The following DISC1 variants were observed in gnomAD, a reference collection of about 807,000 sequenced individuals.
The protein encoded by DISC1 is DISC1 scaffold protein.
Under a neutral mutation model 84.5 loss-of-function variants are expected in DISC1, and 57 were observed. The observed-to-expected ratio is 0.67, with a 90% CI of 0.55 to 0.84. The LOEUF (loss-of-function observed/expected upper bound fraction) is 0.84. Among genes scored for constraint, DISC1 ranks in the 40% least tolerant of loss-of-function variants. The pLI is 0.00. For missense variants in DISC1, 1,000 were observed against 1,057.8 expected, an observed-to-expected ratio of 0.95 and a Z score of 0.76; for synonymous variants, 411 against 415.2, an observed-to-expected ratio of 0.99 and a Z score of 0.12.
At chr1:231,819,109 G>A (rs1339733095) in intron 9 of DISC1, 9 of 986,094 alleles carry the variant, frequency 9.1e-6, no homozygotes, top group African/African-American at 1.7e-5. Context: ...TGCACCCAGA[G>A]GGATGGTCTC....
At chr1:231,712,747 C>T (rs971536055) in intron 3 of DISC1, among the ~76,000 whole-genome samples, 2 of 152,188 alleles carry the variant, frequency 1.3e-5, no homozygotes, top group African/African-American at 4.8e-5. Context: ...CTCTGCTTAG[C>T]CTAACTTAGA....
At chr1:231,779,936 C>T (rs537170182) in intron 6 of DISC1, among the ~76,000 whole-genome samples, 1 of 152,068 alleles carries the variant, frequency 6.6e-6, no homozygotes, top group Non-Finnish European at 1.5e-5. Flanking sequence ...CTGCCGGAGG[C>T]TATGCTTCCC....
chr1:231,764,862 AGAT>A (rs1171186973), intron 4 of DISC1, among the ~76,000 whole-genome samples: 1 of 152,170 alleles, frequency 6.6e-6, no homozygotes, highest in East Asian at 1.9e-4. Flanking sequence ...GTTAGGTGAA[AGAT>A]GATGTTTTAT....
At chr1:231,917,244 C>T (rs1471978517) in intron 9 of DISC1, among the ~76,000 whole-genome samples, 1 of 152,168 alleles carries the variant, frequency 6.6e-6, no homozygotes, top group Non-Finnish European at 1.5e-5. Context: ...TACCTTTTCC[C>T]TGCGGCATTA....
At chr1:231,901,920 T>C (rs967502014) in intron 9 of DISC1, among the ~76,000 whole-genome samples, 2 of 152,192 alleles carry the variant, frequency 1.3e-5, no homozygotes, top group African/African-American at 4.8e-5. Context: ...TCAGTTGTTA[T>C]GGACCTGGAT....
At chr1:231,971,333 G>A (rs12060283) in intron 10 of DISC1, among the ~76,000 whole-genome samples, 1 of 151,988 alleles carries the variant, frequency 6.6e-6, no homozygotes, top group Non-Finnish European at 1.5e-5. Context: ...TGCTAACATG[G>A]TATGAACCTG....
intron 4 of DISC1, among the ~76,000 whole-genome samples, chr1:231,762,341 C>G (rs185677528): frequency 6.7e-6 from 1 of 148,712 alleles, no homozygotes; most frequent in East Asian, 2.0e-4. Context: ...GCCTTCCTTC[C>G]TTTCCTTTCT....
intron 9 of DISC1, chr1:231,855,335 G>T: frequency 2.1e-6 from 2 of 965,190 alleles, no homozygotes; most frequent in Non-Finnish European, 2.5e-6. Flanking sequence ...TACAATTTTT[G>T]TCAATTAAAC....
At chr1:232,029,642 C>A (rs961897403) in intron 12 of DISC1, among the ~76,000 whole-genome samples, 3 of 152,210 alleles carry the variant, frequency 2.0e-5, no homozygotes, top group African/African-American at 7.2e-5. Context: ...ATGTGAGGTA[C>A]CCAATTAATC....
Position 231,694,451 on chromosome 1 carries a change from A to C in DISC1, c.693A>C (p.Pro231=). 2 of 1,614,264 alleles carry C rather than the reference A, an allele frequency of 1.2e-6. No individual in the cohort carries two copies. Among genetic ancestry groups the C allele is most frequent in the Non-Finnish European group, 1.7e-6 (2 of 1,180,044 alleles). The part of the protein sequence containing the change: ...GERGEAEGCP[P]SREAESHCQS... ...GTGGAGAAGCAGAAGGCTGCCCACCATCCAGAGAGGCTGAGTCCCATTGCC... is the reference window on the plus strand; with the variant it reads ...GTGGAGAAGCAGAAGGCTGCCCACCCTCCAGAGAGGCTGAGTCCCATTGCC... The change falls in exon 2 of 13, where the codon CCA becomes CCC. Residue 231 remains proline (P), a synonymous_variant. Transcript: ENST00000439617.
intron 8 of DISC1, among the ~76,000 whole-genome samples, chr1:231,817,053 C>A (rs2081078289): frequency 6.6e-6 from 1 of 152,002 alleles, no homozygotes. Context: ...AATCATAGTG[C>A]ACTACAGCCT....
intron 1 of DISC1, 46 bp downstream of exon 1, chr1:231,626,980 G>A (rs1479004981): frequency 1.3e-5 from 17 of 1,340,032 alleles, no homozygotes; most frequent in East Asian, 2.9e-5. Context: ...GGGGGGTCCT[G>A]GCAAGGAGGG....
At chr1:231,801,213 T>C (rs1449396581) in intron 8 of DISC1, among the ~76,000 whole-genome samples, 2 of 152,026 alleles carry the variant, frequency 1.3e-5, no homozygotes, top group Admixed American at 1.3e-4. Flanking sequence ...GCAGCGCAAA[T>C]GTGGGGCTTG....
chr1:231,973,069 T>C lies in DISC1; in HGVS notation c.2042+14181T>C, dbSNP rs534184618. On this transcript the variant is annotated intron_variant, in intron 10 of 12. Transcript: ENST00000439617. Reference sequence around the variant, plus strand: ...TGTTCTTTTTTTTTTTTTTTTGAGATGGAGTCTCACTCTGTTATCCAGGCT... The same window carrying C: ...TGTTCTTTTTTTTTTTTTTTTGAGACGGAGTCTCACTCTGTTATCCAGGCT... 2.7e-5 allele frequency among the ~76,000 whole-genome samples: 4 copies of C among 148,830 alleles called. No homozygotes were observed. In the East Asian group the frequency reaches 6.0e-4, roughly 22 times the overall value.
Position 231,767,163 on chromosome 1 carries a change from C to T in DISC1, c.1292C>T (p.Thr431Ile), listed in dbSNP as rs777006898. The T allele has an allele frequency of 1.2e-6, 2 of 1,614,226 alleles. No individual in the cohort carries two copies. Among genetic ancestry groups the T allele is most frequent in the Non-Finnish European group, 1.7e-6 (2 of 1,180,048 alleles). The change falls in exon 5 of 13, where the codon ACC becomes ATC. Residue 431 changes from threonine to isoleucine, a missense_variant. Transcript: ENST00000439617. ...AGGGCCAGCGGAGATGACACCCACA[C>T]CCCACTGAGAATGGAGCCGAGGCTG... ...TQQASGDDTH[T>I]PLRMEPRLLE...
In DISC1 at chr1:231,838,338, AGGATGACTCCAT is replaced by A. The variant is rs1315651164; in HGVS notation, c.1981+19823_1981+19834del. Among the ~76,000 whole-genome samples the A allele has an allele frequency of 1.8e-4, 28 of 152,354 alleles. No homozygotes were observed. The South Asian group carries it at 5.6e-3, about 30-fold the overall frequency. ...TTTGTGTTCAGGTTTTCCAGAGGAA[AGGATGACTCCAT>A]GTTCCTCAAGGAACTTTCCAGGCAA... is the stretch of plus-strand genomic sequence containing the variant. On this transcript the variant is annotated intron_variant, in intron 9 of 12. Coordinates refer to ENST00000439617, the MANE Select transcript of DISC1 (RefSeq NM_018662.3).
In DISC1 at chr1:232,031,022, G is replaced by A. The variant is rs760116391; in HGVS notation, c.2425+4470G>A. Among the ~76,000 whole-genome samples the A allele has an allele frequency of 9.9e-5, 15 of 151,940 alleles. No homozygotes were observed. Among genetic ancestry groups the A allele is most frequent in the Non-Finnish European group, 1.9e-4 (13 of 67,988 alleles). ...CAGCTACTCCAGAGGCGTGAGAATT[G>A]CTTGAACCCAGGAGGTGGAGGTCGC... On this transcript the variant is annotated intron_variant, in intron 12 of 12. Transcript: ENST00000439617. This position sits in a 1 kb window ranked among gnomAD's most constrained non-coding sequence, Gnocchi z 4.6.
At chr1:231,931,726 G>A (rs2090671565) in intron 9 of DISC1, among the ~76,000 whole-genome samples, 1 of 150,174 alleles carries the variant, frequency 6.7e-6, no homozygotes, top group Non-Finnish European at 1.5e-5. Flanking sequence ...ATAACTCACT[G>A]CAGCCTTAAA....
intron 9 of DISC1, among the ~76,000 whole-genome samples, chr1:231,929,618 G>A (rs548661471): frequency 3.3e-5 from 5 of 152,314 alleles, no homozygotes; most frequent in African/African-American, 1.2e-4. Context: ...AAAATGCTAT[G>A]GGGAAGGTGC....
Sources: allele counts gnomAD v4.1 joint callset (sites outside exome capture counted in the v4.1 genomes callset), GRCh38; gene constraint gnomAD v4.1.1; non-coding constraint Gnocchi (gnomAD v3.1); transcripts MANE v1.5; gene names NCBI Gene and HGNC (gene_info 2026-07-23, HGNC 2026-07-21).